SLC2A13: variants seen among roughly 807,000 people sequenced by gnomAD.
SLC2A13 encodes solute carrier family 2 member 13, also known as proton myo-inositol cotransporter.
Under a neutral mutation model 64.4 loss-of-function variants are expected in SLC2A13, and 32 were observed. That is an observed-to-expected ratio of 0.50 (90% CI 0.37 to 0.67). SLC2A13 has a LOEUF of 0.67. SLC2A13 is among the 30% of genes least tolerant of loss of function. The pLI is 0.00. For synonymous variants in SLC2A13, 338 were observed against 327.1 expected, an observed-to-expected ratio of 1.03 and a Z score of -0.36; for missense variants, 743 against 829.2, an observed-to-expected ratio of 0.90 and a Z score of 1.28.
Position 39,759,823 on chromosome 12 carries a change from A to C in SLC2A13, c.*203T>G. ...GAATTATTAGATTAAAATCTCTGTA[A>C]ATATTTTTTAAAATATTGTTCCTTG... On this transcript the variant is annotated 3_prime_UTR_variant, in exon 10 of 10. Transcript: ENST00000280871. The C allele has an allele frequency of 1.9e-6, 1 of 536,234 alleles. No individual in the cohort carries two copies. Among genetic ancestry groups the C allele is most frequent in the Non-Finnish European group, 3.3e-6 (1 of 304,762 alleles). The allele number at this position is 536,234 out of a possible 1,614,324, so 33.2% of individuals were successfully genotyped here. A position where few individuals can be genotyped will look rare whatever the true frequency, so the allele number is the denominator to read the frequency against.
At chr12:40,020,761 T>A (rs2136206544) in intron 3 of SLC2A13, among the ~76,000 whole-genome samples, 1 of 152,276 alleles carries the variant, frequency 6.6e-6, no homozygotes, top group South Asian at 2.1e-4. Flanking sequence ...GGCATAGCAA[T>A]TTGTCGTATC....
At chr12:40,045,013 T>C (rs1405923124) in intron 2 of SLC2A13, among the ~76,000 whole-genome samples, 1 of 152,194 alleles carries the variant, frequency 6.6e-6, no homozygotes, top group Non-Finnish European at 1.5e-5. Flanking sequence ...CATCAAGTTT[T>C]TAATCTGCAA....
chr12:39,905,416 G>C (rs1945244715), intron 4 of SLC2A13, among the ~76,000 whole-genome samples: 1 of 152,090 alleles, frequency 6.6e-6, no homozygotes, highest in South Asian at 2.1e-4. Flanking sequence ...CAGATGACTA[G>C]CTGAAAATAA....
At chr12:39,943,603 G>A (rs570731142) in intron 4 of SLC2A13, among the ~76,000 whole-genome samples, 6 of 152,096 alleles carry the variant, frequency 3.9e-5, no homozygotes, top group South Asian at 4.2e-4. Context: ...ACGCCCCTCC[G>A]CCCAGCAAGC....
intron 7 of SLC2A13, among the ~76,000 whole-genome samples, chr12:39,773,240 C>A (rs904099878): frequency 2.0e-5 from 3 of 152,122 alleles, no homozygotes; most frequent in African/African-American, 7.2e-5. Context: ...GCTCAGAGGG[C>A]ACTGCAGTGG....
intron 7 of SLC2A13, among the ~76,000 whole-genome samples, chr12:39,808,689 C>T (rs1334193372): frequency 6.6e-6 from 1 of 152,118 alleles, no homozygotes; most frequent in Non-Finnish European, 1.5e-5. Context: ...TAATGTTGAA[C>T]ATTATATCTA....
At chr12:39,805,825 C>T (rs945900687) in intron 7 of SLC2A13, among the ~76,000 whole-genome samples, 14 of 151,988 alleles carry the variant, frequency 9.2e-5, no homozygotes, top group Non-Finnish European at 1.9e-4. Context: ...GGGAGTTGCC[C>T]GTTTTTTTCT....
At chr12:39,954,287 C>T (rs1435836284) in intron 3 of SLC2A13, among the ~76,000 whole-genome samples, 2 of 152,080 alleles carry the variant, frequency 1.3e-5, no homozygotes, top group East Asian at 1.9e-4. Context: ...AGATGCAGCT[C>T]AGAATACAGA....
intron 6 of SLC2A13, among the ~76,000 whole-genome samples, chr12:39,840,541 G>A (rs1009223155): frequency 1.3e-5 from 2 of 151,970 alleles, no homozygotes; most frequent in African/African-American, 4.8e-5. Flanking sequence ...GAGACTGCAG[G>A]ATTTAGAATA....
chr12:39,765,468 T>G (rs1592114467), intron 7 of SLC2A13, among the ~76,000 whole-genome samples: 2 of 152,164 alleles, frequency 1.3e-5, no homozygotes, highest in East Asian at 3.9e-4. Flanking sequence ...GAAGTTGAAC[T>G]TCCAGTTCTT....
intron 7 of SLC2A13, among the ~76,000 whole-genome samples, chr12:39,775,102 C>T (rs1189027845): frequency 6.6e-6 from 1 of 152,118 alleles, no homozygotes; most frequent in African/African-American, 2.4e-5. Context: ...TCAAGATGTA[C>T]TTTTCTCTGT....
At chr12:39,977,324 T>C (rs1018849880) in intron 3 of SLC2A13, among the ~76,000 whole-genome samples, 11 of 152,248 alleles carry the variant, frequency 7.2e-5, no homozygotes, top group African/African-American at 2.7e-4. Context: ...AAGTTTCTAA[T>C]GTTCCCACAT....
intron 4 of SLC2A13, among the ~76,000 whole-genome samples, chr12:39,905,882 T>C (rs904141358): frequency 2.6e-5 from 4 of 151,672 alleles, no homozygotes; most frequent in African/African-American, 9.7e-5. Context: ...ACAGATGAGA[T>C]GTCCTTTGAA....
At chr12:39,781,982 A>T (rs1941001431) in intron 7 of SLC2A13, among the ~76,000 whole-genome samples, 1 of 152,200 alleles carries the variant, frequency 6.6e-6, no homozygotes, top group Non-Finnish European at 1.5e-5. Flanking sequence ...TGTCTTGTGA[A>T]TACAGGAACT....
At chr12:40,028,042 T>G (rs1290981778) in intron 3 of SLC2A13, among the ~76,000 whole-genome samples, 5 of 152,136 alleles carry the variant, frequency 3.3e-5, no homozygotes, top group Non-Finnish European at 7.4e-5. Context: ...TGAAAATTAA[T>G]GTAACACATG....
chr12:39,897,828 AT>A (rs1944967785), intron 4 of SLC2A13, among the ~76,000 whole-genome samples: 1 of 152,112 alleles, frequency 6.6e-6, no homozygotes, highest in Non-Finnish European at 1.5e-5. Flanking sequence ...TTTCTATAAT[AT>A]TTTCATAAAT....
chr12:40,082,739 T>C (rs1938453292), intron 1 of SLC2A13, among the ~76,000 whole-genome samples: 1 of 151,990 alleles, frequency 6.6e-6, no homozygotes, highest in Non-Finnish European at 1.5e-5. Flanking sequence ...CAAGCTGGAG[T>C]TCTGTCTCTG....
chr12:39,969,171 T>C (rs1482707219), intron 3 of SLC2A13, among the ~76,000 whole-genome samples: 2 of 152,240 alleles, frequency 1.3e-5, no homozygotes, highest in Non-Finnish European at 2.9e-5. Flanking sequence ...GGTGTATATG[T>C]GCCACATTTT....
intron 3 of SLC2A13, among the ~76,000 whole-genome samples, chr12:39,963,618 T>G (rs1946455022): frequency 1.3e-5 from 2 of 152,190 alleles, no homozygotes; most frequent in African/African-American, 2.4e-5. Context: ...TCCCCTGCCT[T>G]CATTTTAGAT....
Sources: gnomAD v4.1 joint callset for allele counts (sites outside exome capture counted in the v4.1 genomes callset) on GRCh38, gnomAD v4.1.1 for gene constraint, MANE v1.5 for transcripts, NCBI Gene and HGNC (gene_info 2026-07-23, HGNC 2026-07-21) for gene names.